The following SEMA3D variants were observed in gnomAD, a reference collection of about 807,000 sequenced individuals.
SEMA3D encodes semaphorin 3D, also known as semaphorin-3D.
A neutral mutation model predicts 100.1 loss-of-function variants in SEMA3D; 84 were observed. That is an observed-to-expected ratio of 0.84 (90% CI 0.70 to 1.01). The LOEUF is 1.01. Among genes scored for constraint, SEMA3D ranks in the 50% least tolerant of loss-of-function variants. The pLI is 0.00. For synonymous variants in SEMA3D, 312 were observed against 320.7 expected (o/e 0.97, Z 0.29); for missense variants, 875 against 934.1 (o/e 0.94, Z 0.82).
intron 1 of SEMA3D, among the ~76,000 whole-genome samples, chr7:85,175,881 G>A (rs535516344): frequency 1.3e-5 from 2 of 151,994 alleles, no homozygotes; most frequent in East Asian, 1.9e-4. Context: ...ATATGTCAAG[G>A]ATAAAGTTAA....
chr7:85,051,441 C>T (rs1433487642), intron 9 of SEMA3D, among the ~76,000 whole-genome samples: 2 of 151,958 alleles, frequency 1.3e-5, no homozygotes, highest in African/African-American at 2.4e-5. Context: ...ACACTCTTCT[C>T]CAGTTTTCCC....
At chr7:85,030,130 T>G (rs1378934553) in intron 12 of SEMA3D, among the ~76,000 whole-genome samples, 1 of 151,850 alleles carries the variant, frequency 6.6e-6, no homozygotes, top group Non-Finnish European at 1.5e-5. Flanking sequence ...TCCTTAAATA[T>G]GGCTTTGTTT....
rs757282057 is a variant in SEMA3D, at chr7:84,999,495, C to T, written c.2279G>A (p.Arg760Gln). The change falls in exon 19 of 19, where the codon CGA becomes CAA. Residue 760 changes from arginine (R) to glutamine (Q), a missense_variant. Coordinates refer to ENST00000284136, the MANE Select transcript of SEMA3D (RefSeq NM_001384900.1). Reference sequence around the variant, plus strand: ...CAGGTCTCTGTGATGTCTTCGATTTCGTTTCTTCTTCATTTCCTGCATGTG... The same window carrying T: ...CAGGTCTCTGTGATGTCTTCGATTTTGTTTCTTCTTCATTTCCTGCATGTG... ...WKHMQEMKKKRNRRHHRDLDE... is the reference protein window; with the variant it reads ...WKHMQEMKKKQNRRHHRDLDE... 12 of 1,614,038 alleles carry T rather than the reference C, an allele frequency of 7.4e-6. 1 individual carries two copies. Among genetic ancestry groups the T allele is most frequent in the South Asian group, 6.6e-5 (6 of 91,088 alleles).
At chr7:85,056,729 C>G (rs1232308800) in intron 8 of SEMA3D, among the ~76,000 whole-genome samples, 1 of 150,144 alleles carries the variant, frequency 6.7e-6, no homozygotes, top group Non-Finnish European at 1.5e-5. Flanking sequence ...GTATTTATGA[C>G]AGAGTTCTAT....
intron 1 of SEMA3D, among the ~76,000 whole-genome samples, chr7:85,179,886 C>A (rs1458368051): frequency 3.3e-5 from 5 of 152,170 alleles, no homozygotes; most frequent in Non-Finnish European, 5.9e-5. Flanking sequence ...TGGTCTTGAT[C>A]TCCTGACCTC....
chr7:85,090,022 C>T (rs10954763), intron 4 of SEMA3D, among the ~76,000 whole-genome samples: 38,907 of 152,004 alleles, frequency 0.26, 5,158 homozygotes, highest in East Asian at 0.38. Flanking sequence ...ACCTGTGGTC[C>T]AATTACTCTT....
At chr7:85,127,728 T>C (rs776582346) in intron 2 of SEMA3D, among the ~76,000 whole-genome samples, 3 of 152,284 alleles carry the variant, frequency 2.0e-5, no homozygotes, top group Middle Eastern at 3.4e-3. Flanking sequence ...AAAGCAGCAA[T>C]TGATACTTAT....
chr7:85,218,795 T>G, the SEMA3D span, among the ~76,000 whole-genome samples: 1 of 152,284 alleles, frequency 6.6e-6, no homozygotes, highest in South Asian at 2.1e-4. Flanking sequence ...AATTAGAAAC[T>G]ATATTACAAG....
At chr7:85,015,799 A>G (rs940034362) in intron 15 of SEMA3D, among the ~76,000 whole-genome samples, 1 of 151,812 alleles carries the variant, frequency 6.6e-6, no homozygotes, top group Non-Finnish European at 1.5e-5. Context: ...CATGATACTG[A>G]AAAACCCAGC....
At chr7:85,192,716 C>T in the SEMA3D span, among the ~76,000 whole-genome samples, 15 of 152,004 alleles carry the variant, frequency 9.9e-5, no homozygotes, top group South Asian at 4.2e-4. Context: ...ATAATATTCA[C>T]GAAAGAGTTT....
At chr7:85,147,119 T>TTTTTTTTTTTTA (rs1790237824) in intron 2 of SEMA3D, among the ~76,000 whole-genome samples, 1 of 136,892 alleles carries the variant, frequency 7.3e-6, no homozygotes, top group Non-Finnish European at 1.5e-5. Flanking sequence ...TTTTTTTTTT[T>TTTTTTTTTTTTA]GAGACGGAGT....
At chr7:85,135,615 C>G (rs949683262) in intron 2 of SEMA3D, among the ~76,000 whole-genome samples, 2 of 150,762 alleles carry the variant, frequency 1.3e-5, no homozygotes, top group Admixed American at 1.3e-4. Flanking sequence ...TGTAACAAAC[C>G]TGCACATTGT....
chr7:85,213,934 T>C, the SEMA3D span, among the ~76,000 whole-genome samples: 1 of 152,184 alleles, frequency 6.6e-6, no homozygotes, highest in Non-Finnish European at 1.5e-5. Flanking sequence ...AAAAAGTACA[T>C]AAATTATTAA....
chr7:85,206,533 T>C, the SEMA3D span, among the ~76,000 whole-genome samples: 2 of 152,114 alleles, frequency 1.3e-5, no homozygotes, highest in Non-Finnish European at 2.9e-5. Context: ...CAGACACTGC[T>C]GACAGACCAA....
intron 2 of SEMA3D, among the ~76,000 whole-genome samples, chr7:85,136,986 T>A (rs73379827): frequency 0.02 from 3,105 of 152,210 alleles, 37 homozygotes; most frequent in Middle Eastern, 0.071. Flanking sequence ...GTCATCAATA[T>A]AACAGGAATG....
chr7:85,168,861 GAAAGAAAGAAAGAAAGA>G (rs1440080119), intron 1 of SEMA3D, among the ~76,000 whole-genome samples: 2 of 131,158 alleles, frequency 1.5e-5, no homozygotes, highest in African/African-American at 6.0e-5. Flanking sequence ...AAGAAAGAAA[GAAAGAAAGAAAGAAAGA>G]AAAGAAAGAA....
chr7:85,128,931 A>G (rs1003864523), intron 2 of SEMA3D, among the ~76,000 whole-genome samples: 1 of 141,060 alleles, frequency 7.1e-6, no homozygotes, highest in Admixed American at 7.5e-5. Flanking sequence ...TCACTCTGTA[A>G]CTGAAGCTAG....
At chr7:85,015,967 T>G (rs577145656) in intron 15 of SEMA3D, among the ~76,000 whole-genome samples, 1 of 151,802 alleles carries the variant, frequency 6.6e-6, no homozygotes, top group South Asian at 2.1e-4. Context: ...TCCACTCTAG[T>G]GGACCATTTC....
upstream of SEMA3D, among the ~76,000 whole-genome samples, chr7:85,187,132 C>T (rs916204125): frequency 3.9e-5 from 6 of 152,178 alleles, no homozygotes; most frequent in African/African-American, 1.4e-4. Context: ...CCCCCTCCTT[C>T]CACTGCGCAC....
Sources: allele counts gnomAD v4.1 joint callset (sites outside exome capture counted in the v4.1 genomes callset), GRCh38; gene constraint gnomAD v4.1.1; transcripts MANE v1.5; gene names NCBI Gene and HGNC (gene_info 2026-07-23, HGNC 2026-07-21).